Variants in DNER observed in about 807,000 individuals in gnomAD.
The protein encoded by DNER is delta and Notch-like epidermal growth factor-related receptor.
DNER carries 33 observed loss-of-function variants against 78.2 expected under a neutral mutation model. The ratio of observed to expected loss-of-function variants is 0.42; its 90% CI spans 0.32 to 0.56. The LOEUF is 0.56. Among genes scored for constraint, DNER ranks in the 20% least tolerant of loss-of-function variants. DNER has a pLI of 0.11. For synonymous variants in DNER, 417 were observed against 384.8 expected (o/e 1.08, Z -0.98); for missense variants, 918 against 975.3 (o/e 0.94, Z 0.78).
chr2:229,588,025 A>C (rs1217502211), intron 3 of DNER, among the ~76,000 whole-genome samples: 1 of 152,240 alleles, frequency 6.6e-6, no homozygotes, highest in African/African-American at 2.4e-5. Flanking sequence ...AATTTGGGGC[A>C]AAGTATGCAT....
At chr2:229,701,703 T>C (rs1699748601) in intron 1 of DNER, 2 of 152,248 alleles carry the variant, frequency 1.3e-5, no homozygotes, top group African/African-American at 4.8e-5. Context: ...ATACAAAATT[T>C]GGCATCTCCA....
At chr2:229,496,265 T>G (rs966229619) in intron 6 of DNER, among the ~76,000 whole-genome samples, 5 of 152,226 alleles carry the variant, frequency 3.3e-5, no homozygotes, top group African/African-American at 4.8e-5. Context: ...TCATTAAAAT[T>G]TTCTGCTCAA....
intron 1 of DNER, among the ~76,000 whole-genome samples, chr2:229,652,179 A>T (rs900492183): frequency 6.6e-6 from 1 of 152,214 alleles, no homozygotes; most frequent in Non-Finnish European, 1.5e-5. Flanking sequence ...TCACTAAGAA[A>T]GGTAGCAGGA....
chr2:229,525,644 C>T (rs1696193588), intron 5 of DNER, among the ~76,000 whole-genome samples: 1 of 152,104 alleles, frequency 6.6e-6, no homozygotes, highest in Non-Finnish European at 1.5e-5. Flanking sequence ...CAAAGTTTTG[C>T]TCTTGTTGCC....
chr2:229,409,461 A>G (rs1693458852), intron 9 of DNER, among the ~76,000 whole-genome samples: 1 of 152,222 alleles, frequency 6.6e-6, no homozygotes, highest in South Asian at 2.1e-4. Flanking sequence ...CTAACATATT[A>G]GCACCCAAAC....
At chr2:229,503,418 A>G (rs1398451229) in intron 6 of DNER, among the ~76,000 whole-genome samples, 1 of 152,242 alleles carries the variant, frequency 6.6e-6, no homozygotes, top group African/African-American at 2.4e-5. Context: ...GTAAAAATAA[A>G]TGACAAATGG....
At chr2:229,422,423 A>G (rs16826019) in intron 8 of DNER, among the ~76,000 whole-genome samples, 9,202 of 152,232 alleles carry the variant, frequency 0.06, 951 homozygotes, top group African/African-American at 0.21. Flanking sequence ...TCTTTGCATG[A>G]TTTGCTCCCG....
At position 229,705,955 on chromosome 2, in the gene DNER, C is replaced by T. The variant is rs1050605741; in HGVS notation, c.276+8193G>A. ...ATAAACTCTAACTATGGTGTCCAGA[C>T]ATGTTGGCCAAGGGCTGATATAAAA... On this transcript the variant is annotated intron_variant, in intron 1 of 12. Transcript: ENST00000341772. Among the ~76,000 whole-genome samples, 6 of 152,194 alleles carry T rather than the reference C, an allele frequency of 3.9e-5. No homozygotes were observed. The East Asian group carries it at 1.2e-3, about 29-fold the overall frequency.
At chr2:229,476,576 C>T (rs550705633) in intron 7 of DNER, among the ~76,000 whole-genome samples, 1 of 152,242 alleles carries the variant, frequency 6.6e-6, no homozygotes, top group East Asian at 1.9e-4. Flanking sequence ...TCCATAACAT[C>T]CCTGCAAGCA....
chr2:229,616,665 T>G (rs547650171), intron 1 of DNER, among the ~76,000 whole-genome samples: 1 of 152,326 alleles, frequency 6.6e-6, no homozygotes, highest in Admixed American at 6.5e-5. Context: ...ACTCTCTGGG[T>G]GTCACGGGTG....
rs569635294 is a variant in DNER, at chr2:229,635,072, C to A, written c.277-43184G>T. The stretch of plus-strand genomic sequence containing the variant: ...ATTCCATGCAAGGTTGATATTCAGT[C>A]CATTTGTTCAAGGCAACCATTCCAA... On this transcript the variant is annotated intron_variant, in intron 1 of 12. Coordinates refer to ENST00000341772, the MANE Select transcript of DNER (RefSeq NM_139072.4). 4.6e-5 allele frequency among the ~76,000 whole-genome samples: 7 copies of A among 152,334 alleles called. No individual in the cohort carries two copies. In the South Asian group the frequency reaches 1.2e-3, roughly 27 times the overall value.
At chr2:229,517,846 C>T (rs1465314955) in intron 5 of DNER, among the ~76,000 whole-genome samples, 1 of 152,128 alleles carries the variant, frequency 6.6e-6, no homozygotes, top group African/African-American at 2.4e-5. Flanking sequence ...ACTATCCAGT[C>T]CCAAATGTCA....
chr2:229,627,829 G>T (rs1471325588), intron 1 of DNER, among the ~76,000 whole-genome samples: 1 of 152,136 alleles, frequency 6.6e-6, no homozygotes, highest in East Asian at 1.9e-4. Context: ...GGTAATAAAG[G>T]GATTAGGCAG....
rs13027924 is a variant in DNER, at chr2:229,413,321, C to T, written c.1609+4787G>A. Among the ~76,000 whole-genome samples, 592 of 67,548 alleles carry T rather than the reference C, an allele frequency of 8.8e-3. 2 individuals are homozygous for T. Among genetic ancestry groups the T allele is most frequent in the East Asian group, 0.017 (27 of 1,572 alleles). 44.3% of individuals were successfully genotyped at this position (67,548 alleles called of 152,430 possible). A position where few individuals can be genotyped will look rare whatever the true frequency, so the allele number is the denominator to read the frequency against. On this transcript the variant is annotated intron_variant, in intron 9 of 12. Coordinates refer to ENST00000341772, the MANE Select transcript of DNER (RefSeq NM_139072.4). ...TGCTTTTCTTTTTCTTTTTCTTCTT[C>T]TTTTTTTTTTTTTTTTTTTTTGACG...
Position 229,636,893 on chromosome 2 carries a change from C to T in DNER, c.277-45005G>A, listed in dbSNP as rs75032992. 2.5e-3 allele frequency among the ~76,000 whole-genome samples: 378 copies of T among 152,262 alleles called. 6 individuals are homozygous for T. The East Asian group carries it at 0.053, about 21-fold the overall frequency. On this transcript the variant is annotated intron_variant, in intron 1 of 12. Transcript: ENST00000341772. ...TCCTTCCCACTGACCAGAATGAAAC[C>T]CCTGTGTGATCTTGAATAAAGTTGC... is the stretch of plus-strand genomic sequence containing the variant.
At chr2:229,511,835 A>C (rs1199832492) in intron 6 of DNER, among the ~76,000 whole-genome samples, 1 of 152,200 alleles carries the variant, frequency 6.6e-6, no homozygotes, top group East Asian at 1.9e-4. Context: ...TAATGTCAGA[A>C]AGCCAAGAGA....
At chr2:229,499,486 C>T (rs1156367103) in intron 6 of DNER, among the ~76,000 whole-genome samples, 1 of 147,188 alleles carries the variant, frequency 6.8e-6, no homozygotes, top group African/African-American at 2.5e-5. Flanking sequence ...TGGGAATAGA[C>T]AGTCTCTAAA....
chr2:229,444,073 T>C (rs1694289977), intron 8 of DNER, among the ~76,000 whole-genome samples: 1 of 152,140 alleles, frequency 6.6e-6, no homozygotes, highest in African/African-American at 2.4e-5. Flanking sequence ...AATGCACACG[T>C]CTTCAGGCTT....
intron 5 of DNER, among the ~76,000 whole-genome samples, chr2:229,516,113 G>A (rs1439160757): frequency 6.6e-6 from 1 of 152,186 alleles, no homozygotes; most frequent in Non-Finnish European, 1.5e-5. Context: ...AGATGAGGAA[G>A]GAGGTTAACA....
Sources: gnomAD v4.1 joint callset for allele counts (sites outside exome capture counted in the v4.1 genomes callset) on GRCh38, gnomAD v4.1.1 for gene constraint, MANE v1.5 for transcripts, NCBI Gene and HGNC (gene_info 2026-07-23, HGNC 2026-07-21) for gene names.